RAI1: variants seen among roughly 807,000 people sequenced by gnomAD.
RAI1 encodes the protein retinoic acid induced 1.
Under a neutral mutation model 123.8 loss-of-function variants are expected in RAI1, and 9 were observed. The observed-to-expected ratio is 0.07, with a 90% CI of 0.04 to 0.13. The LOEUF (loss-of-function observed/expected upper bound fraction) is 0.13, where lower values mean the gene tolerates loss of function less well. Among genes scored for constraint, RAI1 ranks in the 10% least tolerant of loss-of-function variants. The pLI, the probability that RAI1 is intolerant of heterozygous loss-of-function variation, is 1.00. For synonymous variants in RAI1, 1,231 were observed against 1,127.3 expected (o/e 1.09, Z -1.84); for missense variants, 2,256 against 2,545.8 (o/e 0.89, Z 2.45).
intron 4 of RAI1, among the ~76,000 whole-genome samples, chr17:17,804,838 A>T (rs1291965211): frequency 6.9e-6 from 1 of 144,106 alleles, no homozygotes; most frequent in African/African-American, 2.9e-5. Context: ...TAGTGTTTTT[A>T]TTTTTATTTA....
chr17:17,752,567 C>T (rs960475977), intron 2 of RAI1, among the ~76,000 whole-genome samples: 1 of 152,164 alleles, frequency 6.6e-6, no homozygotes, highest in East Asian at 1.9e-4. Flanking sequence ...GCTTCCTGTC[C>T]GTAGTTTTTC....
At chr17:17,791,644 G>C (rs1163188689) in intron 2 of RAI1, among the ~76,000 whole-genome samples, 1 of 152,210 alleles carries the variant, frequency 6.6e-6, no homozygotes. Flanking sequence ...TCCTGCCTCC[G>C]GGCCAGCATG....
chr17:17,734,169 G>A (rs1368792493), intron 2 of RAI1, among the ~76,000 whole-genome samples: 3 of 152,160 alleles, frequency 2.0e-5, no homozygotes, highest in African/African-American at 7.2e-5. Flanking sequence ...ATCAGACAAA[G>A]GGGTCCACAT....
chr17:17,731,409 G>C, intron 2 of RAI1, among the ~76,000 whole-genome samples: 1 of 152,370 alleles, frequency 6.6e-6, no homozygotes, highest in Non-Finnish European at 1.5e-5. Flanking sequence ...CAGCATGCCA[G>C]AGGCCTGGGG....
chr17:17,809,959 G>A lies in RAI1; in HGVS notation c.5710-11G>A, dbSNP rs899269790. On this transcript the variant is annotated splice_polypyrimidine_tract_variant and intron_variant, in intron 5 of 5. Coordinates refer to ENST00000353383, the MANE Select transcript of RAI1 (RefSeq NM_030665.4). The surrounding 1 kb of genome is among the most constrained non-coding windows in gnomAD (Gnocchi z 4.9). ...GGTCGTCGGTAACTGGCGGGCGGGCGTCTTTTGCAGAGGCTGCCGTAGTAA... is the reference window on the plus strand; with the variant it reads ...GGTCGTCGGTAACTGGCGGGCGGGCATCTTTTGCAGAGGCTGCCGTAGTAA... 3 of 1,556,836 alleles carry A rather than the reference G, an allele frequency of 1.9e-6. No homozygotes were observed. Among genetic ancestry groups the A allele is most frequent in the Non-Finnish European group, 2.6e-6 (3 of 1,152,308 alleles).
chr17:17,782,868 T>C (rs1364358039), intron 2 of RAI1, among the ~76,000 whole-genome samples: 1 of 152,154 alleles, frequency 6.6e-6, no homozygotes, highest in African/African-American at 2.4e-5. Flanking sequence ...CTTCGCGTCC[T>C]CGCCCTTACC....
chr17:17,745,405 T>C (rs1916790684), intron 2 of RAI1, among the ~76,000 whole-genome samples: 1 of 147,654 alleles, frequency 6.8e-6, no homozygotes, highest in African/African-American at 2.5e-5. Flanking sequence ...TTGAAGGCTT[T>C]TGTGTGTGTG....
intron 4 of RAI1, among the ~76,000 whole-genome samples, chr17:17,804,948 C>T (rs1210029100): frequency 3.9e-5 from 6 of 152,066 alleles, no homozygotes; most frequent in African/African-American, 9.7e-5. Context: ...CTGCAACCTC[C>T]GCCTCCCGAG....
chr17:17,744,619 T>C (rs958615670), intron 2 of RAI1, among the ~76,000 whole-genome samples: 8 of 151,930 alleles, frequency 5.3e-5, no homozygotes, highest in Admixed American at 5.2e-4. Context: ...GGTGAAACCC[T>C]GTCTTACTAA....
intron 1 of RAI1, among the ~76,000 whole-genome samples, chr17:17,711,937 G>A (rs1439801621): frequency 6.6e-6 from 1 of 152,230 alleles, no homozygotes; most frequent in Admixed American, 6.5e-5. Flanking sequence ...TGGCTGTCAC[G>A]CGGTGTCCGG....
At chr17:17,790,301 C>CT (rs1288142552) in intron 2 of RAI1, among the ~76,000 whole-genome samples, 1 of 152,244 alleles carries the variant, frequency 6.6e-6, no homozygotes, top group Non-Finnish European at 1.5e-5. Context: ...CCATCCCTCC[C>CT]TTTGCCTTGG....
chr17:17,793,211 A>G lies in RAI1; in HGVS notation c.263A>G (p.Gln88Arg), dbSNP rs1429814537. The G allele has an allele frequency of 6.2e-7, 1 of 1,612,244 alleles. No individual in the cohort carries two copies. Among genetic ancestry groups the G allele is most frequent in the Non-Finnish European group, 8.5e-7 (1 of 1,179,492 alleles). The change falls in exon 3 of 6, where the codon CAG becomes CGG. Residue 88 changes from glutamine (Q) to arginine (R), a missense_variant. Physicochemically the swap from Gln to Arg is conservative, Grantham distance 43. Around this residue, in one of 7 missense-constraint regions of RAI1, gnomAD observed 336 missense variants for 349.8 expected, o/e 0.96. Transcript: ENST00000353383. ...YHRGSKALPTQQGLQGRPAFP... is the reference protein window; with the variant it reads ...YHRGSKALPTRQGLQGRPAFP... ...CGAGGCAGCAAGGCCCTGCCCACACAGCAAGGCCTGCAGGGGAGGCCGGCT... is the reference window on the plus strand; with the variant it reads ...CGAGGCAGCAAGGCCCTGCCCACACGGCAAGGCCTGCAGGGGAGGCCGGCT...
intron 1 of RAI1, among the ~76,000 whole-genome samples, chr17:17,719,300 C>G (rs1915804368): frequency 6.6e-6 from 1 of 152,194 alleles, no homozygotes; most frequent in South Asian, 2.1e-4. Context: ...GTGTGGCCCC[C>G]CGTCCTCTCT....
intron 2 of RAI1, among the ~76,000 whole-genome samples, chr17:17,781,536 G>A (rs2031580619): frequency 6.6e-6 from 1 of 152,174 alleles, no homozygotes; most frequent in Non-Finnish European, 1.5e-5. Flanking sequence ...TGGGGGCGGA[G>A]GGTAGTCTGA....
At chr17:17,727,433 G>C (rs1177688367) in intron 2 of RAI1, among the ~76,000 whole-genome samples, 2 of 152,184 alleles carry the variant, frequency 1.3e-5, no homozygotes, top group East Asian at 3.8e-4. Flanking sequence ...TTCACAGATG[G>C]GGGGACTGAG....
chr17:17,776,363 A>G (rs540481319), intron 2 of RAI1, among the ~76,000 whole-genome samples: 14 of 152,204 alleles, frequency 9.2e-5, no homozygotes, highest in Non-Finnish European at 1.3e-4. Flanking sequence ...TTTTTATACA[A>G]ATGTTTTGTA....
intron 4 of RAI1, among the ~76,000 whole-genome samples, chr17:17,808,596 C>T (rs1048452395): frequency 2.6e-5 from 4 of 151,894 alleles, no homozygotes; most frequent in Non-Finnish European, 5.9e-5. Flanking sequence ...TACAGGCATG[C>T]GCCACCATGC....
intron 1 of RAI1, among the ~76,000 whole-genome samples, chr17:17,709,680 G>A (rs372047526): frequency 2.8e-4 from 43 of 152,302 alleles, no homozygotes; most frequent in Middle Eastern, 6.8e-3. Context: ...GCTGGGCCTC[G>A]GGGAGGGGGA....
intron 2 of RAI1, among the ~76,000 whole-genome samples, chr17:17,757,479 A>G (rs1598057780): frequency 1.3e-5 from 2 of 152,022 alleles, no homozygotes; most frequent in African/African-American, 4.8e-5. Flanking sequence ...AGCGGGGCCC[A>G]CCTGCCAGTG....
Sources: gnomAD v4.1 joint callset for allele counts (sites outside exome capture counted in the v4.1 genomes callset) on GRCh38, gnomAD v4.1.1 for gene constraint, gnomAD v4.1.1 regional missense constraint, Gnocchi (gnomAD v3.1) non-coding constraint, MANE v1.5 for transcripts, NCBI Gene and HGNC (gene_info 2026-07-23, HGNC 2026-07-21) for gene names.